The following PSD2 variants were observed in gnomAD, a reference collection of about 807,000 sequenced individuals.
The protein encoded by PSD2 is pleckstrin and Sec7 domain containing 2.
A neutral mutation model predicts 69.8 loss-of-function variants in PSD2; 38 were observed. The ratio of observed to expected loss-of-function variants is 0.54; its 90% CI spans 0.42 to 0.71. PSD2 has a LOEUF of 0.71. Among genes scored for constraint, PSD2 ranks in the 30% least tolerant of loss-of-function variants. The probability of loss-of-function intolerance (pLI) is 0.00; values close to 1 mark genes in which losing one functional copy is unlikely to be tolerated. For synonymous variants in PSD2, 412 were observed against 423.0 expected, an observed-to-expected ratio of 0.97 and a Z score of 0.32; for missense variants, 943 against 1,014.5, an observed-to-expected ratio of 0.93 and a Z score of 0.96.
At chr5:139,759,428 G>A in the PSD2 span, among the ~76,000 whole-genome samples, 1 of 152,092 alleles carries the variant, frequency 6.6e-6, no homozygotes, top group Non-Finnish European at 1.5e-5. Context: ...CACCCGTGTC[G>A]GGACGCACCG....
intron 5 of PSD2, among the ~76,000 whole-genome samples, chr5:139,818,910 C>A (rs189990502): frequency 1.5e-4 from 23 of 152,218 alleles, no homozygotes; most frequent in African/African-American, 5.5e-4. Flanking sequence ...GATTCTAATT[C>A]TCTGGGTGAA....
chr5:139,815,014 G>A (rs1317170706), intron 4 of PSD2, among the ~76,000 whole-genome samples: 2 of 152,136 alleles, frequency 1.3e-5, no homozygotes, highest in Admixed American at 6.5e-5. Context: ...CCCAACGTCC[G>A]CATTAAGGCT....
upstream of PSD2, among the ~76,000 whole-genome samples, chr5:139,795,654 G>A (rs1233079283): frequency 6.6e-6 from 1 of 151,846 alleles, no homozygotes; most frequent in Admixed American, 6.6e-5. This position sits in a 1 kb window ranked among gnomAD's most constrained non-coding sequence, Gnocchi z 4.5. Flanking sequence ...CCCGGGGCGA[G>A]CGCTGCGCTG....
chr5:139,814,871 T>C lies in PSD2; in HGVS notation c.1016+507T>C, dbSNP rs1002876552. ...CCAGGTGCAAAGGGAACTGGCTAGA[T>C]GAGGGCCCCAAAGGGGACCAGGGGA... On this transcript the variant is annotated intron_variant, in intron 4 of 14. Coordinates refer to ENST00000274710, the MANE Select transcript of PSD2 (RefSeq NM_032289.4). The surrounding 1 kb of genome is among the most constrained non-coding windows in gnomAD (Gnocchi z 4.4). 1.2e-4 allele frequency among the ~76,000 whole-genome samples: 18 copies of C among 152,094 alleles called. No individual in the cohort carries two copies. Among genetic ancestry groups the C allele is most frequent in the Admixed American group, 1.1e-3 (17 of 15,276 alleles).
chr5:139,756,537 G>A, the PSD2 span, among the ~76,000 whole-genome samples: 2 of 152,350 alleles, frequency 1.3e-5, no homozygotes, highest in East Asian at 3.9e-4. Context: ...AGGGTCCCTT[G>A]GGGGTAGTTT....
rs535096728 is a variant in PSD2, at chr5:139,811,866, T to C, written c.372-1443T>C. Among the ~76,000 whole-genome samples, 441 of 152,274 alleles carry C rather than the reference T, an allele frequency of 2.9e-3. 3 individuals are homozygous for C. Among genetic ancestry groups the C allele is most frequent in the African/African-American group, 0.01 (421 of 41,546 alleles). On this transcript the variant is annotated intron_variant, in intron 2 of 14. Coordinates refer to ENST00000274710, the MANE Select transcript of PSD2 (RefSeq NM_032289.4). ...TCTCGGCCTCCCAAAGTGCTGGGAT[T>C]ACAGCCGTGAGCCACCGCGCCTGGC...
At chr5:139,768,235 C>T in the PSD2 span, among the ~76,000 whole-genome samples, 2 of 152,208 alleles carry the variant, frequency 1.3e-5, no homozygotes, top group African/African-American at 4.8e-5. Flanking sequence ...AAGGATAGGA[C>T]AGGCCCCAGC....
chr5:139,840,189 G>C lies in PSD2; in HGVS notation c.2112+19G>C, dbSNP rs372878923. On this transcript the variant is annotated intron_variant, in intron 14 of 14. Transcript: ENST00000274710. ...CTTCGAGGTGAGCCTTGGGGGACTG[G>C]ATTGCAAAGCCCAGTGCCCTGCTCT... 6.2e-7 allele frequency: 1 copy of C among 1,613,138 alleles called. No individual in the cohort carries two copies. Among genetic ancestry groups the C allele is most frequent in the South Asian group, 1.1e-5 (1 of 90,998 alleles).
rs368727580 is a variant in PSD2 at position 139,839,327 on chromosome 5, G to A, written c.1968+555G>A. Among the ~76,000 whole-genome samples the A allele has an allele frequency of 3.3e-5, 5 of 152,334 alleles. No homozygotes were observed. The highest frequency in any genetic ancestry group is 2.1e-4 in the South Asian group (1 of 4,832). ...GGCCTTTCCCACTAGGCCTTGTCCC[G>A]GGTCACCCCACTGAGCTCCTGGGCT... On this transcript the variant is annotated intron_variant, in intron 13 of 14. Transcript: ENST00000274710. This position sits in a 1 kb window ranked among gnomAD's most constrained non-coding sequence, Gnocchi z 5.1.
the PSD2 span, among the ~76,000 whole-genome samples, chr5:139,762,926 G>A: frequency 1.3e-5 from 2 of 152,042 alleles, no homozygotes; most frequent in Non-Finnish European, 2.9e-5. Flanking sequence ...AGGCTGTTGC[G>A]CTATAAATAC....
At chr5:139,774,627 AT>A in the PSD2 span, among the ~76,000 whole-genome samples, 2 of 152,076 alleles carry the variant, frequency 1.3e-5, no homozygotes, top group Non-Finnish European at 2.9e-5. Flanking sequence ...AGTAGCTGGG[AT>A]TACAGGAGCC....
rs937465192 is a variant in PSD2 at position 139,835,671 on chromosome 5, G to T, written c.1360-52G>T. ...CCCATGTTATTGGTGGTAGATGAGGGTTTCTTTGACCCTTCACCTGAATTC... is the reference window on the plus strand; with the variant it reads ...CCCATGTTATTGGTGGTAGATGAGGTTTTCTTTGACCCTTCACCTGAATTC... On this transcript the variant is annotated intron_variant, in intron 8 of 14. Transcript: ENST00000274710. 2.5e-6 allele frequency: 4 copies of T among 1,574,960 alleles called. No homozygotes were observed. The African/African-American group carries it at 5.4e-5, about 21-fold the overall frequency.
In PSD2 at chr5:139,831,196, A is replaced by G. The variant is rs1760592140; in HGVS notation, c.1270-2506A>G. Among the ~76,000 whole-genome samples, 5 of 152,122 alleles carry G rather than the reference A, an allele frequency of 3.3e-5. No homozygotes were observed. In the South Asian group the frequency reaches 1.0e-3, roughly 31 times the overall value. On this transcript the variant is annotated intron_variant, in intron 7 of 14. Coordinates refer to ENST00000274710, the MANE Select transcript of PSD2 (RefSeq NM_032289.4). ...AACATGTCCGTCTTTATGTCTAGTA[A>G]TGCTTCTTGCCTTCGAATCTATTTT...
Position 139,839,888 on chromosome 5 carries a change from T to A in PSD2, c.1969-139T>A. 1 of 869,900 alleles carries A rather than the reference T, an allele frequency of 1.1e-6. No individual in the cohort carries two copies. The allele number at this position is 869,900 out of a possible 1,614,324, so 53.9% of individuals were successfully genotyped here. On this transcript the variant is annotated intron_variant, in intron 13 of 14. Transcript: ENST00000274710. The surrounding 1 kb of genome is among the most constrained non-coding windows in gnomAD (Gnocchi z 5.1). ...AGAGCATGCCCTCAGGTCCAGAGTC[T>A]GGCTCTGTCCCCACATTTTGGTGAT...
At chr5:139,750,852 G>A in the PSD2 span, among the ~76,000 whole-genome samples, 533 of 152,314 alleles carry the variant, frequency 3.5e-3, 6 homozygotes, top group African/African-American at 0.012. Context: ...TGAGGCCTGG[G>A]GCAACTTCCA....
At chr5:139,775,035 T>C in the PSD2 span, among the ~76,000 whole-genome samples, 24 of 152,276 alleles carry the variant, frequency 1.6e-4, no homozygotes, top group East Asian at 3.9e-3. Flanking sequence ...TGCAGTGCCA[T>C]TGGCCGCCCC....
the PSD2 span, among the ~76,000 whole-genome samples, chr5:139,779,086 G>T: frequency 6.6e-6 from 1 of 152,046 alleles, no homozygotes; most frequent in African/African-American, 2.4e-5. Flanking sequence ...GGCCTGTGCT[G>T]ATTTCCCCAG....
At chr5:139,758,415 AG>A in the PSD2 span, among the ~76,000 whole-genome samples, 1 of 152,128 alleles carries the variant, frequency 6.6e-6, no homozygotes, top group African/African-American at 2.4e-5. Flanking sequence ...GGAGAAGGGC[AG>A]GGGGTTAGGC....
In PSD2 at chr5:139,816,895, G is replaced by A. The variant is rs188007146; in HGVS notation, c.1017-586G>A. On this transcript the variant is annotated intron_variant, in intron 4 of 14. Transcript: ENST00000274710. Reference sequence around the variant, plus strand: ...CTCGTCCTGAAGTCTCACATCTCCCGCAGGGGACCACCTTCTTGGTCATGC... The same window carrying A: ...CTCGTCCTGAAGTCTCACATCTCCCACAGGGGACCACCTTCTTGGTCATGC... 4.4e-4 allele frequency among the ~76,000 whole-genome samples: 67 copies of A among 152,290 alleles called. 1 individual carries two copies. The East Asian group carries it at 0.012, about 27-fold the overall frequency.
Sources: gnomAD v4.1 joint callset for allele counts (sites outside exome capture counted in the v4.1 genomes callset) on GRCh38, gnomAD v4.1.1 for gene constraint, Gnocchi (gnomAD v3.1) non-coding constraint, MANE v1.5 for transcripts, NCBI Gene and HGNC (gene_info 2026-07-23, HGNC 2026-07-21) for gene names.